The following EPHA5 variants were observed in gnomAD, a reference collection of about 807,000 sequenced individuals.
The protein encoded by EPHA5 is EPH receptor A5, also known as ephrin type-A receptor 5.
A neutral mutation model predicts 105.0 loss-of-function variants in EPHA5; 60 were observed. That is an observed-to-expected ratio of 0.57 (90% CI 0.46 to 0.71). The LOEUF is 0.71. Ranked by LOEUF, EPHA5 falls within the 30% of genes least tolerant of loss-of-function variation. EPHA5 has a pLI of 0.00. For synonymous variants in EPHA5, 513 were observed against 449.1 expected, an observed-to-expected ratio of 1.14 and a Z score of -1.80; for missense variants, 1,218 against 1,274.7, an observed-to-expected ratio of 0.96 and a Z score of 0.68.
Position 65,331,995 on chromosome 4 carries a change from C to T in EPHA5, c.2923G>A (p.Ala975Thr), listed in dbSNP as rs1238493512. ...FMENGYSSMD[A>T]VAQVTLEDLR... ...CACTCCAAGGTCACCTGAGCCACAG[C>T]GTCCATTGAACTGTATCCATTTTCC... is the stretch of plus-strand genomic sequence containing the variant. The change falls in exon 16 of 17, where the codon GCT becomes ACT. Residue 975 changes from alanine to threonine, a missense_variant. Coordinates refer to ENST00000613740, the MANE Select transcript of EPHA5 (RefSeq NM_001281766.3). 3 of 1,608,292 alleles carry T rather than the reference C, an allele frequency of 1.9e-6. No homozygotes were observed. The highest frequency in any genetic ancestry group is 4.5e-5 in the East Asian group (2 of 44,754).
At chr4:65,472,104 C>T (rs1729345290) in intron 5 of EPHA5, among the ~76,000 whole-genome samples, 1 of 152,174 alleles carries the variant, frequency 6.6e-6, no homozygotes, top group Non-Finnish European at 1.5e-5. Flanking sequence ...GCATTGGATA[C>T]ATGCTCTCAT....
intron 3 of EPHA5, among the ~76,000 whole-genome samples, chr4:65,519,805 G>A (rs1045318892): frequency 1.3e-5 from 2 of 151,968 alleles, no homozygotes; most frequent in African/African-American, 4.8e-5. Context: ...AAATCCCTAG[G>A]AATCCAACTT....
chr4:65,490,260 G>A lies in EPHA5; in HGVS notation c.1402+117C>T, dbSNP rs1731268770. The A allele has an allele frequency of 2.3e-5, 22 of 959,482 alleles. No individual in the cohort carries two copies. In the East Asian group the frequency reaches 5.3e-4, roughly 23 times the overall value. 59.4% of individuals were successfully genotyped at this position (959,482 alleles called of 1,614,324 possible). Reference sequence around the variant, plus strand: ...TTTGATGTGTTATACTTTAAGTCCTGACCTTCCGGTTGAGGGAAAATTCTC... The same window carrying A: ...TTTGATGTGTTATACTTTAAGTCCTAACCTTCCGGTTGAGGGAAAATTCTC... On this transcript the variant is annotated intron_variant, in intron 5 of 16. Transcript: ENST00000613740.
intron 8 of EPHA5, among the ~76,000 whole-genome samples, chr4:65,378,172 A>G (rs1412321315): frequency 1.3e-5 from 2 of 151,914 alleles, no homozygotes; most frequent in African/African-American, 4.8e-5. Flanking sequence ...AGCACTGACA[A>G]TATTTTAATT....
rs138826651 is a variant in EPHA5, at chr4:65,435,201, C to A, written c.1403-14636G>T. Among the ~76,000 whole-genome samples, 603 of 152,238 alleles carry A rather than the reference C, an allele frequency of 4.0e-3. 3 individuals carry two copies. Among genetic ancestry groups the A allele is most frequent in the African/African-American group, 0.014 (569 of 41,564 alleles). On this transcript the variant is annotated intron_variant, in intron 5 of 16. Coordinates refer to ENST00000613740, the MANE Select transcript of EPHA5 (RefSeq NM_001281766.3). Reference sequence around the variant, plus strand: ...TATTTTATTGCTACACATTAAATTTCACCTCACTGTCACTGAGAATTTTAG... The same window carrying A: ...TATTTTATTGCTACACATTAAATTTAACCTCACTGTCACTGAGAATTTTAG...
chr4:65,350,454 A>G (rs992993612), intron 13 of EPHA5, among the ~76,000 whole-genome samples: 113 of 152,276 alleles, frequency 7.4e-4, no homozygotes, highest in African/African-American at 2.6e-3. Context: ...TAAATATGAA[A>G]ACATGCATAT....
At chr4:65,330,311 T>G (rs1241177995) in intron 16 of EPHA5, among the ~76,000 whole-genome samples, 1 of 150,850 alleles carries the variant, frequency 6.6e-6, no homozygotes, top group Non-Finnish European at 1.5e-5. Context: ...TAAAGAGCAT[T>G]TGGGGATAGA....
intron 2 of EPHA5, among the ~76,000 whole-genome samples, chr4:65,609,964 T>C (rs1001878310): frequency 6.6e-6 from 1 of 152,126 alleles, no homozygotes; most frequent in Non-Finnish European, 1.5e-5. Context: ...AGTTTCTCAT[T>C]ATATAAAATG....
In EPHA5 at chr4:65,532,607, C is replaced by CTT. The variant is rs5858964; in HGVS notation, c.911-37066_911-37065dup. Among the ~76,000 whole-genome samples the CTT allele has an allele frequency of 5.2e-3, 705 of 135,744 alleles. 6 individuals carry two copies. Among genetic ancestry groups the CTT allele is most frequent in the Non-Finnish European group, 7.1e-3 (459 of 64,530 alleles). The allele number at this position is 135,744 out of a possible 152,430, so 89.1% of individuals were successfully genotyped here. ...ATCATTTATTATTTTTCCAATAGCT[C>CTT]TTTTTTTTTTTACTTTCAACTCCCC... On this transcript the variant is annotated intron_variant, in intron 3 of 16. Coordinates refer to ENST00000613740, the MANE Select transcript of EPHA5 (RefSeq NM_001281766.3).
chr4:65,512,337 T>A (rs899279496), intron 3 of EPHA5, among the ~76,000 whole-genome samples: 2 of 152,104 alleles, frequency 1.3e-5, no homozygotes, highest in African/African-American at 4.8e-5. Flanking sequence ...TCAGGAAATG[T>A]AATAATTTTA....
At chr4:65,389,056 A>T (rs1424632119) in intron 8 of EPHA5, among the ~76,000 whole-genome samples, 1 of 152,046 alleles carries the variant, frequency 6.6e-6, no homozygotes, top group Non-Finnish European at 1.5e-5. Flanking sequence ...CTTTGGTATG[A>T]TTACATAGAA....
At chr4:65,623,179 T>C (rs1403028657) in intron 2 of EPHA5, among the ~76,000 whole-genome samples, 2 of 151,986 alleles carry the variant, frequency 1.3e-5, no homozygotes, top group Non-Finnish European at 2.9e-5. Flanking sequence ...ACACTATAAA[T>C]CTCACAAAAG....
At chr4:65,530,916 A>C (rs1232381486) in intron 3 of EPHA5, among the ~76,000 whole-genome samples, 2 of 152,224 alleles carry the variant, frequency 1.3e-5, no homozygotes, top group African/African-American at 4.8e-5. Context: ...GAGAGAATTC[A>C]ATGAGATATA....
In EPHA5 at chr4:65,322,214, TG is replaced by T. The variant is rs879048232; in HGVS notation, c.*1899del. On this transcript the variant is annotated 3_prime_UTR_variant, in exon 17 of 17. Transcript: ENST00000613740. Reference sequence around the variant, plus strand: ...ATTATTTGAAAACTGTTTAGATTTTTGTTGTGGTTATTTTGATGTTTCCTGG... The same window carrying T: ...ATTATTTGAAAACTGTTTAGATTTTTTTGTGGTTATTTTGATGTTTCCTGG... 4.5e-6 allele frequency: 1 copy of T among 224,326 alleles called. No individual in the cohort carries two copies. The highest frequency in any genetic ancestry group is 1.8e-4 in the South Asian group (1 of 5,468). 13.9% of individuals were successfully genotyped at this position (224,326 alleles called of 1,614,324 possible).
At chr4:65,558,699 A>T (rs777790260) in intron 3 of EPHA5, among the ~76,000 whole-genome samples, 48 of 151,824 alleles carry the variant, frequency 3.2e-4, no homozygotes, top group Admixed American at 5.3e-4. Flanking sequence ...TCCTCCCCGC[A>T]CCCCACAACA....
In EPHA5 at chr4:65,332,144, CAT is replaced by C. The variant is rs1026304188; in HGVS notation, c.2790-18_2790-17del. On this transcript the variant is annotated splice_polypyrimidine_tract_variant and intron_variant, in intron 15 of 16. Coordinates refer to ENST00000613740, the MANE Select transcript of EPHA5 (RefSeq NM_001281766.3). ...ATTAGATACTCTAAAACACATAAAACATAAATATTAAAAGTTACAATTTAATT... is the reference window on the plus strand; with the variant it reads ...ATTAGATACTCTAAAACACATAAAACAAATATTAAAAGTTACAATTTAATT... 6.4e-7 allele frequency: 1 copy of C among 1,552,358 alleles called. No individual in the cohort carries two copies. Among genetic ancestry groups the C allele is most frequent in the African/African-American group, 1.4e-5 (1 of 71,048 alleles).
intron 11 of EPHA5, among the ~76,000 whole-genome samples, chr4:65,360,375 G>A (rs1203192523): frequency 6.6e-6 from 1 of 151,568 alleles, no homozygotes; most frequent in Admixed American, 6.6e-5. Flanking sequence ...TTCTTGTCAA[G>A]CATGTACAGA....
At chr4:65,367,276 T>C in intron 9 of EPHA5, 81 bp downstream of exon 9, 1 of 1,210,898 alleles carries the variant, frequency 8.3e-7, no homozygotes, top group Non-Finnish European at 1.2e-6. Context: ...TTATTATAAA[T>C]CTTGTAGCCT....
At chr4:65,375,103 A>T (rs769600696) in intron 8 of EPHA5, among the ~76,000 whole-genome samples, 30 of 151,932 alleles carry the variant, frequency 2.0e-4, no homozygotes, top group Non-Finnish European at 3.5e-4. Context: ...CCTACCCAGT[A>T]AAAATTTTGG....
Sources: allele counts gnomAD v4.1 joint callset (sites outside exome capture counted in the v4.1 genomes callset), GRCh38; gene constraint gnomAD v4.1.1; transcripts MANE v1.5; gene names NCBI Gene and HGNC (gene_info 2026-07-23, HGNC 2026-07-21).